Variants in SH3PXD2A observed in about 807,000 individuals in gnomAD.
SH3PXD2A encodes the protein SH3 and PX domains 2A.
In SH3PXD2A, 32 loss-of-function variants were observed where a neutral mutation model predicts 115.2. The observed-to-expected ratio is 0.28, with a 90% CI of 0.21 to 0.37. The LOEUF (loss-of-function observed/expected upper bound fraction) is 0.37. Among genes scored for constraint, SH3PXD2A ranks in the 10% least tolerant of loss-of-function variants. The probability of loss-of-function intolerance (pLI) is 1.00; values close to 1 mark genes in which losing one functional copy is unlikely to be tolerated. For synonymous variants in SH3PXD2A, 610 were observed against 629.1 expected, an observed-to-expected ratio of 0.97 and a Z score of 0.45; for missense variants, 1,328 against 1,498.7, an observed-to-expected ratio of 0.89 and a Z score of 1.88.
At chr10:103,661,160 C>T in intron 7 of SH3PXD2A, 46 bp from the exon 8 acceptor site, 2 of 1,598,044 alleles carry the variant, frequency 1.3e-6, no homozygotes, top group Non-Finnish European at 8.5e-7. Context: ...CCAGCCATGG[C>T]CCCGCGGCCA....
chr10:103,678,421 G>A (rs562458853), intron 6 of SH3PXD2A, among the ~76,000 whole-genome samples: 64 of 152,352 alleles, frequency 4.2e-4, no homozygotes, highest in African/African-American at 1.5e-3. Context: ...TGAGAGGGTC[G>A]GGAGTGTGCG....
At chr10:103,851,997 G>GA (rs1842901347) in intron 1 of SH3PXD2A, among the ~76,000 whole-genome samples, 2 of 152,236 alleles carry the variant, frequency 1.3e-5, no homozygotes. Flanking sequence ...AATCTTTACT[G>GA]AAAAACTTTC....
intron 5 of SH3PXD2A, among the ~76,000 whole-genome samples, chr10:103,718,107 G>A (rs1368972826): frequency 6.6e-6 from 1 of 151,716 alleles, no homozygotes; most frequent in African/African-American, 2.4e-5. Flanking sequence ...CTGGGCTTAA[G>A]CAATCCTCCT....
chr10:103,817,115 A>G (rs2039332274), intron 1 of SH3PXD2A, among the ~76,000 whole-genome samples: 1 of 147,948 alleles, frequency 6.8e-6, no homozygotes, highest in South Asian at 2.2e-4. Flanking sequence ...AAGTGTTCGG[A>G]TTACAGGTGT....
rs3068820 is a variant in SH3PXD2A at position 103,771,738 on chromosome 10, A to AACACACACACAC, written c.154-4581_154-4570dup. Among the ~76,000 whole-genome samples, 360 of 143,090 alleles carry AACACACACACAC rather than the reference A, an allele frequency of 2.5e-3. 1 individual carries two copies. Among genetic ancestry groups the AACACACACACAC allele is most frequent in the African/African-American group, 5.6e-3 (215 of 38,666 alleles). 93.9% of individuals were successfully genotyped at this position (143,090 alleles called of 152,430 possible). ...CAACAGAGCGAGACTCCGTCAAAACAACACACACACACACACACACACACA... is the reference window on the plus strand; with the variant it reads ...CAACAGAGCGAGACTCCGTCAAAACAACACACACACACACACACACACACACACACACACACA... On this transcript the variant is annotated intron_variant, in intron 2 of 14. Coordinates refer to ENST00000369774, the MANE Select transcript of SH3PXD2A (RefSeq NM_001394015.1).
At chr10:103,758,783 C>T (rs1242578468) in intron 3 of SH3PXD2A, among the ~76,000 whole-genome samples, 1 of 152,234 alleles carries the variant, frequency 6.6e-6, no homozygotes, top group East Asian at 1.9e-4. Flanking sequence ...TAAGATGGCA[C>T]ACGGTGCCTC....
chr10:103,781,365 T>C (rs2038930176), intron 2 of SH3PXD2A, among the ~76,000 whole-genome samples: 1 of 152,170 alleles, frequency 6.6e-6, no homozygotes, highest in Non-Finnish European at 1.5e-5. Context: ...TCTCTTCCTT[T>C]GCCTGCTGGC....
intron 2 of SH3PXD2A, 105 bp downstream of exon 2, chr10:103,801,177 C>T: frequency 1.4e-6 from 1 of 710,894 alleles, no homozygotes; most frequent in Non-Finnish European, 2.5e-6. Flanking sequence ...CACCTGGACT[C>T]TGACCCTGAC....
chr10:103,780,246 A>G (rs1564887297), intron 2 of SH3PXD2A, among the ~76,000 whole-genome samples: 1 of 152,314 alleles, frequency 6.6e-6, no homozygotes, highest in South Asian at 2.1e-4. Context: ...AAGGGAAGCC[A>G]AGCGGAACAC....
At position 103,794,179 on chromosome 10, in the gene SH3PXD2A, G is replaced by A. The variant is rs1483509516; in HGVS notation, c.153+7103C>T. ...GCTGGAAAGTGAGTGTGACCCCAGG[G>A]TGGGGTGCATGGGTGGAGAGTCTGG... On this transcript the variant is annotated intron_variant, in intron 2 of 14. Coordinates refer to ENST00000369774, the MANE Select transcript of SH3PXD2A (RefSeq NM_001394015.1). Among the ~76,000 whole-genome samples, 3 of 152,172 alleles carry A rather than the reference G, an allele frequency of 2.0e-5. No homozygotes were observed. The East Asian group carries it at 5.8e-4, about 29-fold the overall frequency.
chr10:103,853,420 C>A (rs7909791), intron 1 of SH3PXD2A, among the ~76,000 whole-genome samples: 49,618 of 152,122 alleles, frequency 0.33, 8,359 homozygotes, highest in African/African-American at 0.35. Context: ...TCATTTAATT[C>A]TCCCAACAAG....
intron 5 of SH3PXD2A, among the ~76,000 whole-genome samples, chr10:103,705,225 A>G (rs2037966941): frequency 6.6e-6 from 1 of 152,176 alleles, no homozygotes; most frequent in Non-Finnish European, 1.5e-5. Flanking sequence ...ACACCAAGGT[A>G]AAGCCCCCGA....
At chr10:103,683,270 T>C (rs1171113942) in intron 6 of SH3PXD2A, among the ~76,000 whole-genome samples, 1 of 152,148 alleles carries the variant, frequency 6.6e-6, no homozygotes, top group African/African-American at 2.4e-5. Flanking sequence ...CCTAGCATTC[T>C]GGGAGGCTGA....
rs2133907571 is a variant in SH3PXD2A at position 103,602,905 on chromosome 10, C to T, written c.2313G>A (p.Glu771=). 1.9e-6 allele frequency: 3 copies of T among 1,614,150 alleles called. No homozygotes were observed. Among genetic ancestry groups the T allele is most frequent in the South Asian group, 2.2e-5 (2 of 91,058 alleles). Residue 771 remains glutamate, a synonymous_variant, in exon 15 of 15, where the codon GAG becomes GAA. Coordinates refer to ENST00000369774, the MANE Select transcript of SH3PXD2A (RefSeq NM_001394015.1). ...GCCGTAAAGTGCTGATGTCCATCTT[C>T]TCTTGGCTCTGCGACTCTGCTCGGT... ...FLNRAESQSQ[E]KMDISTLRRQ...
chr10:103,789,016 C>T (rs1290474056), intron 2 of SH3PXD2A, among the ~76,000 whole-genome samples: 1 of 152,230 alleles, frequency 6.6e-6, no homozygotes, highest in Admixed American at 6.5e-5. Flanking sequence ...CTCCCGGTCA[C>T]CACACTGGTG....
chr10:103,695,871 G>A (rs1246788060), intron 5 of SH3PXD2A, among the ~76,000 whole-genome samples: 1 of 152,226 alleles, frequency 6.6e-6, no homozygotes, highest in Non-Finnish European at 1.5e-5. Flanking sequence ...TCCCCACCGA[G>A]GACTTCCGGG....
chr10:103,702,254 A>C (rs1203864472), intron 5 of SH3PXD2A, among the ~76,000 whole-genome samples: 8 of 152,262 alleles, frequency 5.3e-5, no homozygotes, highest in Non-Finnish European at 1.2e-4. Context: ...ATGAAGTAAG[A>C]GAGTGGCAGA....
Position 103,598,928 on chromosome 10 carries a change from T to G in SH3PXD2A, c.*2888A>C, listed in dbSNP as rs1476819652. 1 of 152,552 alleles carries G rather than the reference T, an allele frequency of 6.6e-6. No homozygotes were observed. The highest frequency in any genetic ancestry group is 1.9e-4 in the East Asian group (1 of 5,192). 9.4% of individuals were successfully genotyped at this position (152,552 alleles called of 1,614,324 possible). A position where few individuals can be genotyped will look rare whatever the true frequency, so the allele number is the denominator to read the frequency against. Reference sequence around the variant, plus strand: ...GGGGCGAGGTGCGAAGACTGGGGCATGGCAATCCCTGTTCACTGCCCAAAT... The same window carrying G: ...GGGGCGAGGTGCGAAGACTGGGGCAGGGCAATCCCTGTTCACTGCCCAAAT... On this transcript the variant is annotated 3_prime_UTR_variant, in exon 15 of 15. Transcript: ENST00000369774.
intron 2 of SH3PXD2A, among the ~76,000 whole-genome samples, chr10:103,772,741 T>G (rs2038838000): frequency 6.6e-6 from 1 of 152,188 alleles, no homozygotes; most frequent in African/African-American, 2.4e-5. Context: ...CGAGCCCAGC[T>G]GGGGCACATC....
Sources: allele counts gnomAD v4.1 joint callset (sites outside exome capture counted in the v4.1 genomes callset), GRCh38; gene constraint gnomAD v4.1.1; transcripts MANE v1.5; gene names NCBI Gene and HGNC (gene_info 2026-07-23, HGNC 2026-07-21).